The following RGS7 variants were observed in gnomAD, a reference collection of about 807,000 sequenced individuals.
RGS7 encodes the protein regulator of G protein signaling 7.
Under a neutral mutation model 81.1 loss-of-function variants are expected in RGS7, and 27 were observed. The ratio of observed to expected loss-of-function variants is 0.33; its 90% confidence interval spans 0.25 to 0.46. The LOEUF is 0.46. Ranked by LOEUF, RGS7 falls within the 20% of genes least tolerant of loss-of-function variation. The pLI is 1.00. For synonymous variants in RGS7, 208 were observed against 207.7 expected (o/e 1.00, Z -0.01); for missense variants, 396 against 607.4 (o/e 0.65, Z 3.66).
intron 3 of RGS7, among the ~76,000 whole-genome samples, chr1:241,068,378 C>A (rs1425082120): frequency 6.6e-6 from 1 of 151,266 alleles, no homozygotes; most frequent in Non-Finnish European, 1.5e-5. Flanking sequence ...AGCTTCTTCT[C>A]CTTATTCTGC....
chr1:241,089,885 T>C (rs1047964774), intron 3 of RGS7, among the ~76,000 whole-genome samples: 1 of 151,190 alleles, frequency 6.6e-6, no homozygotes, highest in African/African-American at 2.4e-5. Flanking sequence ...TCCCAGCTAC[T>C]CGGGAGGCTG....
intron 10 of RGS7, among the ~76,000 whole-genome samples, chr1:240,824,045 A>C (rs1692328190): frequency 6.6e-6 from 1 of 152,186 alleles, no homozygotes; most frequent in South Asian, 2.1e-4. Context: ...GTAGTAAAGT[A>C]TATTCTAATT....
chr1:241,210,777 C>T (rs1423530602), intron 2 of RGS7, among the ~76,000 whole-genome samples: 3 of 152,192 alleles, frequency 2.0e-5, no homozygotes, highest in African/African-American at 7.2e-5. Flanking sequence ...TCATGCCTCA[C>T]TGAGGATGTG....
chr1:241,139,118 A>G (rs2067731688), intron 2 of RGS7, among the ~76,000 whole-genome samples: 2 of 151,858 alleles, frequency 1.3e-5, no homozygotes, highest in Admixed American at 1.3e-4. Context: ...ATGTTGTAGC[A>G]TGCGTCAGTA....
intron 6 of RGS7, among the ~76,000 whole-genome samples, chr1:240,903,783 T>C (rs968357262): frequency 6.6e-6 from 1 of 152,174 alleles, no homozygotes; most frequent in African/African-American, 2.4e-5. Flanking sequence ...ATTCTCTTTT[T>C]AGCAACCATA....
intron 9 of RGS7, among the ~76,000 whole-genome samples, chr1:240,847,066 T>C (rs1415342733): frequency 6.6e-6 from 1 of 152,232 alleles, no homozygotes; most frequent in Non-Finnish European, 1.5e-5. Context: ...GGATAATTTG[T>C]TATACGGCAA....
intron 10 of RGS7, among the ~76,000 whole-genome samples, chr1:240,821,521 T>C (rs1218718893): frequency 6.6e-6 from 1 of 152,220 alleles, no homozygotes; most frequent in East Asian, 1.9e-4. Flanking sequence ...ACCTTTACTA[T>C]ACCCTTTACT....
At chr1:240,959,713 T>C (rs1048704574) in intron 4 of RGS7, among the ~76,000 whole-genome samples, 1 of 152,220 alleles carries the variant, frequency 6.6e-6, no homozygotes, top group Admixed American at 6.5e-5. Flanking sequence ...TCTTGATAAT[T>C]TATTAAATTG....
At chr1:241,160,068 A>C (rs1475725720) in intron 2 of RGS7, among the ~76,000 whole-genome samples, 2 of 145,404 alleles carry the variant, frequency 1.4e-5, no homozygotes, top group African/African-American at 5.1e-5. Flanking sequence ...CCAAGATAGC[A>C]CCACGGCACT....
At chr1:241,036,215 T>C (rs1041036321) in intron 3 of RGS7, among the ~76,000 whole-genome samples, 4 of 152,084 alleles carry the variant, frequency 2.6e-5, no homozygotes, top group African/African-American at 9.7e-5. Flanking sequence ...AACTATGTCT[T>C]TAAAATTCAC....
At chr1:241,299,696 A>C (rs1343123163) in intron 2 of RGS7, among the ~76,000 whole-genome samples, 1 of 152,060 alleles carries the variant, frequency 6.6e-6, no homozygotes, top group Non-Finnish European at 1.5e-5. Flanking sequence ...TTCTATTTGC[A>C]AATCAATAGA....
rs1321725470 is a variant in RGS7 at position 241,278,825 on chromosome 1, G to A, written c.78+76874C>T. On this transcript the variant is annotated intron_variant, in intron 2 of 18. Transcript: ENST00000440928. ...CCTTTTGACTTCTTTCACTGCACTT[G>A]TCCACTCCTGTTCAGACACTGACAT... Among the ~76,000 whole-genome samples, 3 of 152,132 alleles carry A rather than the reference G, an allele frequency of 2.0e-5. 1 individual carries two copies. Among genetic ancestry groups the A allele is most frequent in the African/African-American group, 7.2e-5 (3 of 41,436 alleles).
intron 6 of RGS7, among the ~76,000 whole-genome samples, chr1:240,908,303 A>T (rs971075762): frequency 2.0e-5 from 3 of 152,164 alleles, no homozygotes; most frequent in Non-Finnish European, 4.4e-5. Flanking sequence ...CATATGTAAC[A>T]AACCTGCACA....
chr1:240,825,515 T>C (rs1276597507), intron 10 of RGS7, among the ~76,000 whole-genome samples: 2 of 152,216 alleles, frequency 1.3e-5, no homozygotes, highest in Admixed American at 1.3e-4. Context: ...GTCAGATTTT[T>C]CAGGACTTTT....
At chr1:240,793,311 C>T (rs778823307) in intron 18 of RGS7, among the ~76,000 whole-genome samples, 39 of 152,046 alleles carry the variant, frequency 2.6e-4, no homozygotes, top group Non-Finnish European at 4.1e-4. Context: ...AGGTCTGATA[C>T]ATTGCACACC....
intron 2 of RGS7, among the ~76,000 whole-genome samples, chr1:241,258,793 C>G (rs576836697): frequency 3.3e-5 from 5 of 152,110 alleles, no homozygotes; most frequent in African/African-American, 1.2e-4. Flanking sequence ...TGGTCTTCTA[C>G]GGGAGGCAAA....
At chr1:240,857,440 C>T (rs1018693669) in intron 9 of RGS7, among the ~76,000 whole-genome samples, 1 of 152,162 alleles carries the variant, frequency 6.6e-6, no homozygotes, top group African/African-American at 2.4e-5. Flanking sequence ...GTGCTACATA[C>T]ACTGTATAGG....
intron 9 of RGS7, among the ~76,000 whole-genome samples, chr1:240,864,629 A>C (rs1317774067): frequency 6.6e-6 from 1 of 152,216 alleles, no homozygotes; most frequent in African/African-American, 2.4e-5. Flanking sequence ...TAAAAATGCA[A>C]GCATACAGGA....
chr1:241,221,011 AAG>A (rs1558203588), intron 2 of RGS7, among the ~76,000 whole-genome samples: 2 of 35,482 alleles, frequency 5.6e-5, no homozygotes, highest in African/African-American at 2.3e-4. Context: ...GAGAGAAAGG[AAG>A]GAAGGAAGGA....
Sources: allele counts gnomAD v4.1 joint callset (sites outside exome capture counted in the v4.1 genomes callset), GRCh38; gene constraint gnomAD v4.1.1; transcripts MANE v1.5; gene names NCBI Gene and HGNC (gene_info 2026-07-23, HGNC 2026-07-21).